ROBO2: variants seen among roughly 807,000 people sequenced by gnomAD.
The protein encoded by ROBO2 is roundabout homolog 2.
ROBO2 carries 53 observed loss-of-function variants against 160.8 expected under a neutral mutation model. The observed-to-expected ratio is 0.33, with a 90% CI of 0.26 to 0.41. ROBO2 has a LOEUF of 0.41. Among genes scored for constraint, ROBO2 ranks in the 10% least tolerant of loss-of-function variants. The probability of loss-of-function intolerance (pLI) is 1.00; values close to 1 mark genes in which losing one functional copy is unlikely to be tolerated. For synonymous variants in ROBO2, 664 were observed against 611.7 expected, an observed-to-expected ratio of 1.09 and a Z score of -1.26; for missense variants, 1,577 against 1,722.4, an observed-to-expected ratio of 0.92 and a Z score of 1.49.
At chr3:76,119,997 T>C (rs1363926133) in intron 2 of ROBO2, among the ~76,000 whole-genome samples, 1 of 149,258 alleles carries the variant, frequency 6.7e-6, no homozygotes, top group Non-Finnish European at 1.5e-5. Context: ...TCATTCTTTC[T>C]TTCTGTCTTC....
chr3:76,009,224 A>T (rs955325859), intron 2 of ROBO2, among the ~76,000 whole-genome samples: 14 of 151,954 alleles, frequency 9.2e-5, no homozygotes, highest in South Asian at 6.2e-4. Flanking sequence ...TGCCTCAGCC[A>T]CCCGAGTAGC....
At chr3:76,166,880 C>A (rs1255705427) in intron 2 of ROBO2, among the ~76,000 whole-genome samples, 1 of 152,098 alleles carries the variant, frequency 6.6e-6, no homozygotes, top group Admixed American at 6.6e-5. Flanking sequence ...GACATGTGCA[C>A]TTATTAAGTC....
At chr3:76,496,183 C>CTT (rs746609454) in intron 2 of ROBO2, among the ~76,000 whole-genome samples, 11 of 152,324 alleles carry the variant, frequency 7.2e-5, no homozygotes, top group Non-Finnish European at 1.2e-4. Flanking sequence ...TACTACCCAA[C>CTT]TCCTCACCCA....
At chr3:76,870,601 GC>G (rs751313806) in intron 2 of ROBO2, among the ~76,000 whole-genome samples, 4 of 152,136 alleles carry the variant, frequency 2.6e-5, no homozygotes, top group Non-Finnish European at 4.4e-5. Context: ...TTATGTTCAT[GC>G]ATTATGGTTA....
chr3:77,507,206 C>T (rs1480657330), intron 5 of ROBO2, among the ~76,000 whole-genome samples: 1 of 152,058 alleles, frequency 6.6e-6, no homozygotes, highest in Admixed American at 6.6e-5. Flanking sequence ...ATGAATTATT[C>T]CATAAACACA....
intron 2 of ROBO2, among the ~76,000 whole-genome samples, chr3:76,326,403 AGT>A (rs1026936947): frequency 1.3e-5 from 2 of 152,092 alleles, no homozygotes; most frequent in Admixed American, 6.5e-5. Context: ...TAAATGGATG[AGT>A]GTGTTTGTGC....
chr3:76,857,679 T>C (rs568583190), intron 2 of ROBO2, among the ~76,000 whole-genome samples: 2 of 152,272 alleles, frequency 1.3e-5, no homozygotes, highest in South Asian at 2.1e-4. Flanking sequence ...TTCTCTACTT[T>C]ACACACATCC....
intron 2 of ROBO2, among the ~76,000 whole-genome samples, chr3:77,304,315 C>T (rs539342921): frequency 1.3e-5 from 2 of 152,168 alleles, no homozygotes; most frequent in Admixed American, 1.3e-4. Context: ...GTTGGCTGGT[C>T]GTTGTACCTC....
intron 2 of ROBO2, among the ~76,000 whole-genome samples, chr3:76,192,080 C>G (rs1029096629): frequency 1.3e-5 from 2 of 151,922 alleles, no homozygotes; most frequent in African/African-American, 4.8e-5. Flanking sequence ...CCGCTATTTC[C>G]CTAGTTAGTG....
At chr3:77,474,193 G>A (rs2083699939) in intron 2 of ROBO2, among the ~76,000 whole-genome samples, 1 of 152,100 alleles carries the variant, frequency 6.6e-6, no homozygotes, top group East Asian at 1.9e-4. Context: ...GTTCTTTAAG[G>A]TTATTGAATC....
chr3:77,063,364 T>C (rs565129205), intron 1 of ROBO2, among the ~76,000 whole-genome samples: 17 of 152,246 alleles, frequency 1.1e-4, no homozygotes, highest in Non-Finnish European at 1.2e-4. Flanking sequence ...AGGAGGAGGT[T>C]GCAGAGGAAC....
intron 2 of ROBO2, among the ~76,000 whole-genome samples, chr3:77,369,042 C>G (rs1019662584): frequency 1.3e-5 from 2 of 152,154 alleles, no homozygotes; most frequent in African/African-American, 4.8e-5. Context: ...TGGCAAATTA[C>G]AGTTTCACAT....
At chr3:77,400,663 G>A (rs981169387) in intron 2 of ROBO2, among the ~76,000 whole-genome samples, 2 of 152,038 alleles carry the variant, frequency 1.3e-5, no homozygotes, top group African/African-American at 2.4e-5. Context: ...TGATTGCCTT[G>A]TAATCGTTCA....
intron 2 of ROBO2, among the ~76,000 whole-genome samples, chr3:76,245,874 C>CA (rs1163744104): frequency 6.6e-6 from 1 of 152,178 alleles, no homozygotes; most frequent in African/African-American, 2.4e-5. Flanking sequence ...TTCATTCCAA[C>CA]AGCCACACTA....
At chr3:76,443,963 AT>A (rs1193677681) in intron 2 of ROBO2, among the ~76,000 whole-genome samples, 1 of 152,092 alleles carries the variant, frequency 6.6e-6, no homozygotes, top group Non-Finnish European at 1.5e-5. Flanking sequence ...ATTTTAAAAA[AT>A]ATCATTATTA....
At chr3:77,259,683 A>G (rs1430328182) in intron 2 of ROBO2, among the ~76,000 whole-genome samples, 1 of 152,232 alleles carries the variant, frequency 6.6e-6, no homozygotes, top group African/African-American at 2.4e-5. Flanking sequence ...GCATTTCAGC[A>G]GCTGACAATA....
intron 2 of ROBO2, among the ~76,000 whole-genome samples, chr3:76,240,553 A>G (rs1479506808): frequency 6.6e-6 from 1 of 152,212 alleles, no homozygotes; most frequent in East Asian, 1.9e-4. Flanking sequence ...CATGTTTTAG[A>G]GACATCTAGA....
chr3:77,258,842 G>C (rs1220730863), intron 2 of ROBO2, among the ~76,000 whole-genome samples: 1 of 152,140 alleles, frequency 6.6e-6, no homozygotes, highest in Non-Finnish European at 1.5e-5. Flanking sequence ...AGGTTGTCTT[G>C]GGGACAAAAT....
At chr3:76,229,521 A>T (rs996150155) in intron 2 of ROBO2, among the ~76,000 whole-genome samples, 10 of 152,134 alleles carry the variant, frequency 6.6e-5, no homozygotes, top group African/African-American at 2.4e-4. Context: ...CTACTCAATT[A>T]TTCTTAATGT....
Sources: gnomAD v4.1 joint callset for allele counts (sites outside exome capture counted in the v4.1 genomes callset) on GRCh38, gnomAD v4.1.1 for gene constraint, MANE v1.5 for transcripts, NCBI Gene and HGNC (gene_info 2026-07-23, HGNC 2026-07-21) for gene names.